The following GREB1L variants were observed in gnomAD, a reference collection of about 807,000 sequenced individuals.
The protein encoded by GREB1L is GREB1 like retinoic acid receptor coactivator.
GREB1L carries 17 observed loss-of-function variants against 200.8 expected under a neutral mutation model. The observed-to-expected ratio is 0.08, with a 90% confidence interval of 0.06 to 0.13. GREB1L has a LOEUF of 0.13. Among genes scored for constraint, GREB1L ranks in the 10% least tolerant of loss-of-function variants. The pLI, the probability that GREB1L is intolerant of heterozygous loss-of-function variation, is 1.00. For missense variants in GREB1L, 1,657 were observed against 2,367.7 expected (o/e 0.70, Z 6.23); for synonymous variants, 789 against 893.0 (o/e 0.88, Z 2.08).
chr18:21,446,005 A>AGTTT (rs535446983), intron 11 of GREB1L, among the ~76,000 whole-genome samples: 82 of 152,056 alleles, frequency 5.4e-4, no homozygotes, highest in Admixed American at 1.4e-3. Context: ...ACTCTTTTTC[A>AGTTT]GTTTGTTTGT....
intron 4 of GREB1L, among the ~76,000 whole-genome samples, chr18:21,392,305 CA>C (rs2040856449): frequency 6.6e-6 from 1 of 152,150 alleles, no homozygotes; most frequent in Admixed American, 6.5e-5. Flanking sequence ...TCCCAACTTT[CA>C]AACCTGTGAG....
At chr18:21,519,384 C>T (rs1448991912) in intron 31 of GREB1L, among the ~76,000 whole-genome samples, 1 of 152,092 alleles carries the variant, frequency 6.6e-6, no homozygotes, top group Non-Finnish European at 1.5e-5. Flanking sequence ...GATCACGTGA[C>T]CCCAGGAGTT....
At chr18:21,436,187 A>G (rs1292870585) in intron 7 of GREB1L, among the ~76,000 whole-genome samples, 2 of 152,330 alleles carry the variant, frequency 1.3e-5, no homozygotes, top group East Asian at 3.9e-4. Context: ...AGATTCCTAT[A>G]AGACATCCAT....
intron 1 of GREB1L, among the ~76,000 whole-genome samples, chr18:21,362,245 A>G (rs1567951637): frequency 6.6e-6 from 1 of 152,142 alleles, no homozygotes; most frequent in Non-Finnish European, 1.5e-5. Flanking sequence ...TGTTTAAGTA[A>G]CTGATATGTT....
chr18:21,500,706 C>T (rs2036752981), intron 23 of GREB1L, 64 bp downstream of exon 23: 13 of 1,189,820 alleles, frequency 1.1e-5, no homozygotes, highest in Admixed American at 2.8e-5. Flanking sequence ...TTGCAAATCC[C>T]GGGAACTTGC....
chr18:21,472,896 A>G (rs1794528847), intron 15 of GREB1L, 135 bp from the exon 16 acceptor site: 2 of 561,004 alleles, frequency 3.6e-6, no homozygotes. Flanking sequence ...CATAAGAAAG[A>G]AAAAACATCT....
At chr18:21,443,387 C>T (rs1440850209) in intron 10 of GREB1L, among the ~76,000 whole-genome samples, 1 of 151,064 alleles carries the variant, frequency 6.6e-6, no homozygotes, top group African/African-American at 2.4e-5. Context: ...GGCTGGGTTT[C>T]GCCTCTACTA....
chr18:21,516,962 C>G (rs1475316973), intron 30 of GREB1L, among the ~76,000 whole-genome samples: 1 of 151,438 alleles, frequency 6.6e-6, no homozygotes, highest in African/African-American at 2.4e-5. Flanking sequence ...CAAGCTCTGC[C>G]TCCTGGGTTC....
intron 1 of GREB1L, among the ~76,000 whole-genome samples, chr18:21,281,839 G>A (rs546571095): frequency 3.3e-5 from 5 of 152,124 alleles, no homozygotes; most frequent in Non-Finnish European, 7.4e-5. Flanking sequence ...GAAAACTTTT[G>A]AAATACATAC....
At chr18:21,456,215 C>A (rs561166972) in intron 15 of GREB1L, among the ~76,000 whole-genome samples, 1 of 152,236 alleles carries the variant, frequency 6.6e-6, no homozygotes, top group Admixed American at 6.5e-5. Flanking sequence ...CCGGATTCTG[C>A]ATTTCTAACA....
At chr18:21,466,041 C>T (rs941054274) in intron 15 of GREB1L, among the ~76,000 whole-genome samples, 2 of 152,132 alleles carry the variant, frequency 1.3e-5, no homozygotes, top group African/African-American at 2.4e-5. Flanking sequence ...AGTGGAACTA[C>T]ATTCTACGTA....
chr18:21,476,050 G>A (rs1396019018), intron 16 of GREB1L, among the ~76,000 whole-genome samples: 1 of 149,578 alleles, frequency 6.7e-6, no homozygotes, highest in Non-Finnish European at 1.5e-5. Flanking sequence ...GTAATTATCT[G>A]GTAGGGGGCA....
chr18:21,492,388 A>G (rs1052623598), intron 19 of GREB1L, among the ~76,000 whole-genome samples: 12 of 152,142 alleles, frequency 7.9e-5, no homozygotes, highest in African/African-American at 2.9e-4. Flanking sequence ...GGAAAGGCGG[A>G]CAATCAGCAG....
chr18:21,314,072 A>T (rs902453440), intron 1 of GREB1L, among the ~76,000 whole-genome samples: 1 of 152,208 alleles, frequency 6.6e-6, no homozygotes, highest in African/African-American at 2.4e-5. Flanking sequence ...CAATAAGAGA[A>T]TTTCTGCAGA....
chr18:21,501,709 C>T (rs2036802245), intron 23 of GREB1L, among the ~76,000 whole-genome samples: 1 of 152,184 alleles, frequency 6.6e-6, no homozygotes, highest in Non-Finnish European at 1.5e-5. Context: ...GATACTAGTC[C>T]TTTGTTGATT....
At chr18:21,414,768 C>T (rs2031457436) in intron 7 of GREB1L, among the ~76,000 whole-genome samples, 1 of 152,148 alleles carries the variant, frequency 6.6e-6, no homozygotes, top group Non-Finnish European at 1.5e-5. Flanking sequence ...GTTATAGAAT[C>T]AGTAGCAGAT....
intron 21 of GREB1L, among the ~76,000 whole-genome samples, chr18:21,497,540 A>C (rs934528621): frequency 6.6e-6 from 1 of 151,792 alleles, no homozygotes; most frequent in Non-Finnish European, 1.5e-5. Context: ...GCTACCCTGG[A>C]GGCTGAGGCA....
At chr18:21,345,410 A>G (rs1964414701) in intron 1 of GREB1L, among the ~76,000 whole-genome samples, 1 of 152,212 alleles carries the variant, frequency 6.6e-6, no homozygotes, top group African/African-American at 2.4e-5. Context: ...CACGTTGTGT[A>G]TAATTGCATG....
intron 1 of GREB1L, among the ~76,000 whole-genome samples, chr18:21,268,572 T>TATATAC (rs1567914882): frequency 8.8e-6 from 1 of 113,132 alleles, no homozygotes; most frequent in Non-Finnish European, 1.7e-5. Context: ...TATATATATA[T>TATATAC]ATATATATAT....
Sources: allele counts gnomAD v4.1 joint callset (sites outside exome capture counted in the v4.1 genomes callset), GRCh38; gene constraint gnomAD v4.1.1; transcripts MANE v1.5; gene names NCBI Gene and HGNC (gene_info 2026-07-23, HGNC 2026-07-21).